Variants in PIP4K2A observed in about 807,000 individuals in gnomAD.
PIP4K2A encodes phosphatidylinositol 5-phosphate 4-kinase type-2 alpha.
In PIP4K2A, 14 loss-of-function variants were observed where a neutral mutation model predicts 42.9. That is an observed-to-expected ratio of 0.33 (90% CI 0.22 to 0.51). The LOEUF (loss-of-function observed/expected upper bound fraction) is 0.51, where lower values mean the gene tolerates loss of function less well. Ranked by LOEUF, PIP4K2A falls within the 20% of genes least tolerant of loss-of-function variation. The probability of loss-of-function intolerance (pLI) is 0.97; values close to 1 mark genes in which losing one functional copy is unlikely to be tolerated. For missense variants in PIP4K2A, 434 were observed against 519.8 expected (o/e 0.83, Z 1.61); for synonymous variants, 192 against 192.2 (o/e 1.00, Z 0.01).
chr10:22,689,083 G>T lies in PIP4K2A; in HGVS notation c.144+25100C>A, dbSNP rs118173211. 5.3e-3 allele frequency among the ~76,000 whole-genome samples: 803 copies of T among 152,218 alleles called. 8 individuals carry two copies. Among genetic ancestry groups the T allele is most frequent in the Non-Finnish European group, 6.4e-3 (433 of 68,002 alleles). On this transcript the variant is annotated intron_variant, in intron 1 of 9. Coordinates refer to ENST00000376573, the MANE Select transcript of PIP4K2A (RefSeq NM_005028.5). ...CAGATTTTTCTTCGAGGAGCACAAG[G>T]GTGGGTCTGGTGGAACTCTTCAGGA...
chr10:22,555,695 T>C (rs1020192496), intron 6 of PIP4K2A, among the ~76,000 whole-genome samples: 1 of 152,166 alleles, frequency 6.6e-6, no homozygotes, highest in African/African-American at 2.4e-5. Flanking sequence ...TAACTTGCTA[T>C]GTCTATTTCT....
chr10:22,572,078 A>G (rs1278189324), intron 5 of PIP4K2A, among the ~76,000 whole-genome samples: 1 of 152,230 alleles, frequency 6.6e-6, no homozygotes, highest in Non-Finnish European at 1.5e-5. Context: ...TCACATCTGC[A>G]AAAGCTTTCG....
chr10:22,596,491 A>C (rs1267608875), intron 3 of PIP4K2A, among the ~76,000 whole-genome samples: 2 of 152,224 alleles, frequency 1.3e-5, no homozygotes, highest in African/African-American at 4.8e-5. Flanking sequence ...AGGAGGTCTT[A>C]TATCTTCAAC....
At chr10:22,580,479 A>G (rs72816823) in intron 4 of PIP4K2A, among the ~76,000 whole-genome samples, 1,923 of 152,062 alleles carry the variant, frequency 0.013, 34 homozygotes, top group Middle Eastern at 0.065. Flanking sequence ...GCGAAACTCC[A>G]TCTCAACAAA....
intron 1 of PIP4K2A, among the ~76,000 whole-genome samples, chr10:22,691,381 C>A (rs981284876): frequency 6.6e-6 from 1 of 152,146 alleles, no homozygotes; most frequent in Non-Finnish European, 1.5e-5. Flanking sequence ...TTTATTCTGA[C>A]TCTTGCCCCT....
intron 5 of PIP4K2A, among the ~76,000 whole-genome samples, chr10:22,569,447 C>T (rs1836929219): frequency 6.6e-6 from 1 of 152,250 alleles, no homozygotes; most frequent in East Asian, 1.9e-4. Flanking sequence ...GCAACTGTTA[C>T]TTGCCATGGT....
At chr10:22,636,344 C>G (rs1027757332) in intron 1 of PIP4K2A, among the ~76,000 whole-genome samples, 4 of 152,158 alleles carry the variant, frequency 2.6e-5, no homozygotes, top group Admixed American at 2.0e-4. Context: ...CTCAACGTCC[C>G]AGGCTCAAGG....
chr10:22,539,764 G>A (rs1447522968), intron 9 of PIP4K2A: 4 of 573,254 alleles, frequency 7.0e-6, no homozygotes, highest in Non-Finnish European at 1.3e-5. Context: ...TGTATCTTAC[G>A]CTCAGAACAT....
intron 1 of PIP4K2A, among the ~76,000 whole-genome samples, chr10:22,638,294 C>T (rs1327860400): frequency 6.6e-6 from 1 of 152,202 alleles, no homozygotes; most frequent in East Asian, 1.9e-4. Flanking sequence ...TAACTCCACT[C>T]TTCTCTGCCA....
At chr10:22,645,275 A>G (rs2130800263) in intron 1 of PIP4K2A, among the ~76,000 whole-genome samples, 2 of 152,326 alleles carry the variant, frequency 1.3e-5, no homozygotes, top group African/African-American at 4.8e-5. Context: ...GCCAGCCACG[A>G]TGGCTCACGC....
chr10:22,538,014 T>C (rs1399117133), intron 9 of PIP4K2A, among the ~76,000 whole-genome samples: 2 of 152,214 alleles, frequency 1.3e-5, no homozygotes, highest in African/African-American at 4.8e-5. Flanking sequence ...TTTTCCATGA[T>C]GAGATGCAGG....
At chr10:22,549,925 A>G (rs952935338) in intron 7 of PIP4K2A, among the ~76,000 whole-genome samples, 3 of 151,976 alleles carry the variant, frequency 2.0e-5, no homozygotes, top group Admixed American at 6.6e-5. Flanking sequence ...TTTATAAAAG[A>G]CTTAAATAAT....
chr10:22,538,015 G>A (rs1011298919), intron 9 of PIP4K2A, among the ~76,000 whole-genome samples: 1 of 152,208 alleles, frequency 6.6e-6, no homozygotes, highest in African/African-American at 2.4e-5. Context: ...TTTCCATGAT[G>A]AGATGCAGGG....
chr10:22,661,535 A>AT (rs1321039554), intron 1 of PIP4K2A, among the ~76,000 whole-genome samples: 6 of 151,662 alleles, frequency 4.0e-5, no homozygotes, highest in Admixed American at 2.0e-4. Flanking sequence ...TTTAAAAAAA[A>AT]TTTTTTTTGT....
Position 22,602,240 on chromosome 10 carries a change from A to C in PIP4K2A, c.339+5687T>G, listed in dbSNP as rs1423223627. Reference sequence around the variant, plus strand: ...AAACCCTGTGTCTTCAAAAATTACAAAACTTAGCTGGGCATAGTGGCACAT... The same window carrying C: ...AAACCCTGTGTCTTCAAAAATTACACAACTTAGCTGGGCATAGTGGCACAT... On this transcript the variant is annotated intron_variant, in intron 3 of 9. Transcript: ENST00000376573. Among the ~76,000 whole-genome samples the C allele has an allele frequency of 4.0e-5, 6 of 151,806 alleles. No individual in the cohort carries two copies. The South Asian group carries it at 1.0e-3, about 26-fold the overall frequency.
intron 4 of PIP4K2A, among the ~76,000 whole-genome samples, chr10:22,577,362 G>A (rs183126912): frequency 1.3e-5 from 2 of 152,148 alleles, no homozygotes; most frequent in East Asian, 1.9e-4. Flanking sequence ...GGTGGTGCTC[G>A]GTGGGAGGTG....
At chr10:22,630,008 T>A (rs1838516753) in intron 1 of PIP4K2A, among the ~76,000 whole-genome samples, 1 of 152,180 alleles carries the variant, frequency 6.6e-6, no homozygotes, top group African/African-American at 2.4e-5. Flanking sequence ...CAAGATGCTC[T>A]CTGTATTTCT....
At chr10:22,635,711 A>G (rs1838647458) in intron 1 of PIP4K2A, among the ~76,000 whole-genome samples, 5 of 152,218 alleles carry the variant, frequency 3.3e-5, no homozygotes, top group Non-Finnish European at 7.3e-5. Flanking sequence ...GGGGGGTTCT[A>G]TGACGAGGAC....
intron 4 of PIP4K2A, among the ~76,000 whole-genome samples, chr10:22,585,398 T>G (rs1323001855): frequency 1.3e-5 from 2 of 152,174 alleles, no homozygotes; most frequent in Non-Finnish European, 2.9e-5. Flanking sequence ...AAGAAAGGAA[T>G]TTAAGTCGTT....
Sources: gnomAD v4.1 joint callset for allele counts (sites outside exome capture counted in the v4.1 genomes callset) on GRCh38, gnomAD v4.1.1 for gene constraint, MANE v1.5 for transcripts, NCBI Gene and HGNC (gene_info 2026-07-23, HGNC 2026-07-21) for gene names.